ADAMTS2: variants seen among roughly 807,000 people sequenced by gnomAD.
The protein encoded by ADAMTS2 is A disintegrin and metalloproteinase with thrombospondin motifs 2.
ADAMTS2 carries 50 observed loss-of-function variants against 123.0 expected under a neutral mutation model. That is an observed-to-expected ratio of 0.41 (90% CI 0.32 to 0.51). The LOEUF is 0.51. Among genes scored for constraint, ADAMTS2 ranks in the 20% least tolerant of loss-of-function variants. The pLI is 0.35. For synonymous variants in ADAMTS2, 678 were observed against 695.4 expected, an observed-to-expected ratio of 0.98 and a Z score of 0.39; for missense variants, 1,494 against 1,705.2, an observed-to-expected ratio of 0.88 and a Z score of 2.18.
In ADAMTS2 at chr5:179,284,863, G is replaced by A. The variant is rs548538007; in HGVS notation, c.535-11799C>T. ...CCCAGCTGCAGCATGACCTCCTTAC[G>A]TAAAATCATGTATATCTCTGTGCCA... On this transcript the variant is annotated intron_variant, in intron 2 of 21. Transcript: ENST00000251582. Among the ~76,000 whole-genome samples the A allele has an allele frequency of 1.9e-4, 29 of 152,298 alleles. No individual in the cohort carries two copies. The South Asian group carries it at 5.2e-3, about 27-fold the overall frequency.
intron 2 of ADAMTS2, among the ~76,000 whole-genome samples, chr5:179,327,829 A>G (rs1259121907): frequency 6.6e-6 from 1 of 152,192 alleles, no homozygotes; most frequent in Non-Finnish European, 1.5e-5. Context: ...AAACGAAAAC[A>G]TGTTGAAAAA....
In ADAMTS2 at chr5:179,170,607, G is replaced by T. The variant is rs1288158230; in HGVS notation, c.975+10465C>A. The stretch of plus-strand genomic sequence containing the variant: ...CTGTGCTTCTCTGTGAGCAAAAGGG[G>T]TCTGTTCCCTTGGACACAGGAGCTA... On this transcript the variant is annotated intron_variant, in intron 5 of 21. Transcript: ENST00000251582. This position sits in a 1 kb window ranked among gnomAD's most constrained non-coding sequence, Gnocchi z 4.3. Among the ~76,000 whole-genome samples, 1 of 152,102 alleles carries T rather than the reference G, an allele frequency of 6.6e-6. No individual in the cohort carries two copies. The highest frequency in any genetic ancestry group is 2.4e-5 in the African/African-American group (1 of 41,420).
In ADAMTS2 at chr5:179,343,949, G is replaced by T; in HGVS notation, c.352C>A (p.Arg118=). 6.2e-7 allele frequency: 1 copy of T among 1,611,654 alleles called. No homozygotes were observed. Among genetic ancestry groups the T allele is most frequent in the Non-Finnish European group, 8.5e-7 (1 of 1,179,588 alleles). ...HLFYNVTVFG[R]DLHLRLRPNA... ...GGCCGCAGCCGCAGGTGCAGGTCTC[G>T]GCCAAAGACCGTGACATTGTAGAAG... Residue 118 remains arginine, a synonymous_variant, in exon 2 of 22, where the codon CGA becomes AGA. Coordinates refer to ENST00000251582, the MANE Select transcript of ADAMTS2 (RefSeq NM_014244.5).
chr5:179,120,755 C>T (rs1199660700), intron 21 of ADAMTS2: 1 of 152,116 alleles, frequency 6.6e-6, no homozygotes, highest in Non-Finnish European at 1.5e-5. Flanking sequence ...CGGTGCGCAC[C>T]GCTCAGCCCA....
chr5:179,226,097 C>A (rs183081739), intron 3 of ADAMTS2, among the ~76,000 whole-genome samples: 2 of 152,268 alleles, frequency 1.3e-5, no homozygotes, highest in East Asian at 3.9e-4. Context: ...AGCCACACCC[C>A]CATAGCACGC....
chr5:179,329,019 G>A lies in ADAMTS2; in HGVS notation c.534+14748C>T, dbSNP rs150080900. Among the ~76,000 whole-genome samples the A allele has an allele frequency of 2.4e-3, 372 of 152,116 alleles. 1 individual carries two copies. The highest frequency in any genetic ancestry group is 4.2e-3 in the Non-Finnish European group (285 of 67,976). On this transcript the variant is annotated intron_variant, in intron 2 of 21. Coordinates refer to ENST00000251582, the MANE Select transcript of ADAMTS2 (RefSeq NM_014244.5). ...CAACCAACAGCAATTAAAGACCCCT[G>A]GACTGGTGCAAAAGAAAAACAGAAA...
At chr5:179,224,399 G>A (rs1019714504) in intron 3 of ADAMTS2, among the ~76,000 whole-genome samples, 3 of 152,226 alleles carry the variant, frequency 2.0e-5, no homozygotes, top group South Asian at 2.1e-4. Context: ...GCTAGGCTGG[G>A]CGTGTTTCCC....
intron 4 of ADAMTS2, among the ~76,000 whole-genome samples, chr5:179,194,177 G>A (rs1241267762): frequency 2.0e-5 from 3 of 152,198 alleles, no homozygotes; most frequent in Non-Finnish European, 2.9e-5. Context: ...GGAGGAGGGA[G>A]GAGGGAGGAG....
chr5:179,272,765 G>A lies in ADAMTS2; in HGVS notation c.688+146C>T. The A allele has an allele frequency of 1.9e-6, 2 of 1,055,926 alleles. No individual in the cohort carries two copies. The highest frequency in any genetic ancestry group is 2.7e-6 in the Non-Finnish European group (2 of 744,428). 65.4% of individuals were successfully genotyped at this position (1,055,926 alleles called of 1,614,324 possible). A position where few individuals can be genotyped will look rare whatever the true frequency, so the allele number is the denominator to read the frequency against. On this transcript the variant is annotated intron_variant, in intron 3 of 21. Coordinates refer to ENST00000251582, the MANE Select transcript of ADAMTS2 (RefSeq NM_014244.5). This position sits in a 1 kb window ranked among gnomAD's most constrained non-coding sequence, Gnocchi z 5.8. Reference sequence around the variant, plus strand: ...CGCCCTGCCGTCAGCCAGGCAGCTGGCCCATTTCTGAGCCACTGAGACCGG... The same window carrying A: ...CGCCCTGCCGTCAGCCAGGCAGCTGACCCATTTCTGAGCCACTGAGACCGG...
At chr5:179,227,941 C>T (rs1342532425) in intron 3 of ADAMTS2, among the ~76,000 whole-genome samples, 1 of 152,122 alleles carries the variant, frequency 6.6e-6, no homozygotes, top group Non-Finnish European at 1.5e-5. Context: ...GGAGTCACAG[C>T]TTGGGTGCAG....
intron 2 of ADAMTS2, among the ~76,000 whole-genome samples, chr5:179,276,193 C>G (rs1259291819): frequency 1.3e-5 from 2 of 152,124 alleles, no homozygotes; most frequent in African/African-American, 4.8e-5. Context: ...CCACGTCCCC[C>G]AAGGGAGGCA....
rs538784896 is a variant in ADAMTS2 at position 179,240,242 on chromosome 5, T to A, written c.689-32527A>T. Among the ~76,000 whole-genome samples the A allele has an allele frequency of 1.2e-3, 177 of 152,282 alleles. 9 individuals carry two copies. The South Asian group carries it at 0.035, about 31-fold the overall frequency. On this transcript the variant is annotated intron_variant, in intron 3 of 21. Coordinates refer to ENST00000251582, the MANE Select transcript of ADAMTS2 (RefSeq NM_014244.5). ...GGCACCTTGCTGGTGAACATCATCG[T>A]AAGCAAGAGCAGAAGCAGGGCTGAG...
At chr5:179,236,207 T>C (rs1765524865) in intron 3 of ADAMTS2, among the ~76,000 whole-genome samples, 1 of 152,198 alleles carries the variant, frequency 6.6e-6, no homozygotes. Context: ...GTTTGGGGTC[T>C]TCCCTCCCTC....
chr5:179,339,483 G>A (rs573652051), intron 2 of ADAMTS2, among the ~76,000 whole-genome samples: 1 of 152,194 alleles, frequency 6.6e-6, no homozygotes, highest in African/African-American at 2.4e-5. Context: ...GGGCCATGCT[G>A]TCCCTTGTTT....
intron 3 of ADAMTS2, among the ~76,000 whole-genome samples, chr5:179,221,727 C>A (rs1455189355): frequency 1.3e-5 from 2 of 152,158 alleles, no homozygotes; most frequent in African/African-American, 4.8e-5. Flanking sequence ...GAGCCCCCCG[C>A]AGAGGTGATG....
chr5:179,286,196 AGAGT>A (rs1756014177), intron 2 of ADAMTS2, among the ~76,000 whole-genome samples: 1 of 142,958 alleles, frequency 7.0e-6, no homozygotes, highest in Non-Finnish European at 1.5e-5. Flanking sequence ...CTTGGGCTAC[AGAGT>A]GAGAGACTCT....
intron 3 of ADAMTS2, among the ~76,000 whole-genome samples, chr5:179,254,855 G>A (rs6875299): frequency 0.15 from 23,205 of 152,272 alleles, 5,602 homozygotes; most frequent in African/African-American, 0.51. Flanking sequence ...TTTTCCCCCA[G>A]CCAGACTCTT....
chr5:179,299,267 C>T (rs768545040), intron 2 of ADAMTS2, among the ~76,000 whole-genome samples: 52 of 147,500 alleles, frequency 3.5e-4, no homozygotes, highest in Non-Finnish European at 4.9e-4. Context: ...CGGTGGCTCA[C>T]GCCTGTAATC....
intron 5 of ADAMTS2, among the ~76,000 whole-genome samples, chr5:179,178,918 C>T (rs1288356795): frequency 6.6e-6 from 1 of 152,156 alleles, no homozygotes; most frequent in East Asian, 1.9e-4. Flanking sequence ...CAGTAGTGCT[C>T]TTGTTTTTAT....
Sources: gnomAD v4.1 joint callset for allele counts (sites outside exome capture counted in the v4.1 genomes callset) on GRCh38, gnomAD v4.1.1 for gene constraint, Gnocchi (gnomAD v3.1) non-coding constraint, MANE v1.5 for transcripts, NCBI Gene and HGNC (gene_info 2026-07-23, HGNC 2026-07-21) for gene names.